PCDHA8: variants seen among roughly 807,000 people sequenced by gnomAD.
The protein encoded by PCDHA8 is protocadherin alpha-8.
Under a neutral mutation model 61.8 loss-of-function variants are expected in PCDHA8, and 53 were observed. That is an observed-to-expected ratio of 0.86 (90% confidence interval 0.69 to 1.08). PCDHA8 has a LOEUF of 1.08. PCDHA8 is among the 50% of genes least tolerant of loss of function. PCDHA8 has a pLI of 0.00. For missense variants in PCDHA8, 1,293 were observed against 1,245.0 expected, an observed-to-expected ratio of 1.04 and a Z score of -0.58; for synonymous variants, 618 against 556.6, an observed-to-expected ratio of 1.11 and a Z score of -1.55.
At chr5:140,846,526 C>T (rs1554141357) in intron 1 of PCDHA8, among the ~76,000 whole-genome samples, 1 of 148,306 alleles carries the variant, frequency 6.7e-6, no homozygotes, top group Non-Finnish European at 1.5e-5. Context: ...AGGTGCATGC[C>T]ACCATGCCCT....
At chr5:140,861,560 C>T in intron 1 of PCDHA8, 2 of 391,164 alleles carry the variant, frequency 5.1e-6, no homozygotes, top group African/African-American at 2.1e-5. Flanking sequence ...TGATCGTGGA[C>T]AAGCTGCTAC....
At position 140,848,413 on chromosome 5, in the gene PCDHA8, G is replaced by A. The variant is rs2150410118; in HGVS notation, c.2394+4698G>A. On this transcript the variant is annotated intron_variant, in intron 1 of 3. Transcript: ENST00000531613. The stretch of plus-strand genomic sequence containing the variant: ...TCTGTGCTGAACGATGGCGAACACA[G>A]CAGAATGGGACTGACGAAATCAGAT... 44 of 1,383,064 alleles carry A rather than the reference G, an allele frequency of 3.2e-5. 5 individuals are homozygous for A. Among genetic ancestry groups the A allele is most frequent in the Non-Finnish European group, 4.2e-5 (42 of 1,005,008 alleles). The allele number at this position is 1,383,064 out of a possible 1,614,324, so 85.7% of individuals were successfully genotyped here.
rs1554229569 is a variant in PCDHA8, at chr5:140,967,454, G to A, written c.2395-11495G>A. ...CTTGCACCACCTGGTTCTCACAGCCGTGGATGGGGGCATCCCAGCCCGCTC... is the reference window on the plus strand; with the variant it reads ...CTTGCACCACCTGGTTCTCACAGCCATGGATGGGGGCATCCCAGCCCGCTC... On this transcript the variant is annotated intron_variant, in intron 1 of 3. Transcript: ENST00000531613. 6.2e-7 allele frequency: 1 copy of A among 1,613,614 alleles called. No individual in the cohort carries two copies. Among genetic ancestry groups the A allele is most frequent in the Admixed American group, 1.7e-5 (1 of 60,010 alleles).
chr5:140,877,713 T>C (rs2057302382), intron 1 of PCDHA8: 1 of 1,613,318 alleles, frequency 6.2e-7, no homozygotes, highest in African/African-American at 1.3e-5. Flanking sequence ...CCGTGGGGAG[T>C]TGGTCTTACT....
intron 1 of PCDHA8, among the ~76,000 whole-genome samples, chr5:140,951,775 A>G (rs1554220072): frequency 1.3e-5 from 2 of 152,164 alleles, no homozygotes; most frequent in African/African-American, 4.8e-5. Context: ...ACGTTCTTAC[A>G]TTGCAAAATA....
At chr5:140,853,620 T>C (rs2042810253) in intron 1 of PCDHA8, 2 of 988,130 alleles carry the variant, frequency 2.0e-6, no homozygotes, top group African/African-American at 1.8e-5. Context: ...TGTAAATAAG[T>C]ATACAAGATC....
intron 1 of PCDHA8, among the ~76,000 whole-genome samples, chr5:140,897,559 G>A (rs1554187454): frequency 6.6e-6 from 1 of 152,026 alleles, no homozygotes; most frequent in African/African-American, 2.4e-5. Context: ...TGGTGTATAT[G>A]TGCCACATTT....
At chr5:140,849,777 C>T (rs2150449616) in intron 1 of PCDHA8, 2 of 1,598,440 alleles carry the variant, frequency 1.3e-6, no homozygotes, top group Non-Finnish European at 1.7e-6. Flanking sequence ...GGTTACCGCG[C>T]GGGACGGGGG....
rs782638942 is a variant in PCDHA8, at chr5:140,876,442, G to T, written c.2394+32727G>T. The T allele has an allele frequency of 1.5e-5, 25 of 1,613,894 alleles. 1 individual carries two copies. The South Asian group carries it at 2.7e-4, about 18-fold the overall frequency. The stretch of plus-strand genomic sequence containing the variant: ...CTATGAAATTCAGGTTAACGCCATT[G>T]ATAAAGGGATTCCTTCCATGGCAGG... On this transcript the variant is annotated intron_variant, in intron 1 of 3. Coordinates refer to ENST00000531613, the MANE Select transcript of PCDHA8 (RefSeq NM_018911.3).
rs1777688396 is a variant in PCDHA8, at chr5:140,842,068, A to T, written c.747A>T (p.Val249=). The T allele has an allele frequency of 1.2e-6, 2 of 1,613,910 alleles. No homozygotes were observed. Among genetic ancestry groups the T allele is most frequent in the African/African-American group, 2.7e-5 (2 of 74,968 alleles). ...APTFEQSEYE[V]RIFENADNGT... Reference sequence around the variant, plus strand: ...CTTTCGAACAGTCTGAATACGAAGTAAGAATATTCGAAAACGCAGACAACG... The same window carrying T: ...CTTTCGAACAGTCTGAATACGAAGTTAGAATATTCGAAAACGCAGACAACG... Residue 249 remains valine, a synonymous_variant, in exon 1 of 4, where the codon GTA becomes GTT. Coordinates refer to ENST00000531613, the MANE Select transcript of PCDHA8 (RefSeq NM_018911.3).
chr5:140,877,335 G>T, intron 1 of PCDHA8: 2 of 1,613,978 alleles, frequency 1.2e-6, no homozygotes, highest in Non-Finnish European at 1.7e-6. Context: ...CGCACATCCC[G>T]TTCCACGTGG....
intron 3 of PCDHA8, among the ~76,000 whole-genome samples, chr5:140,987,524 GT>G (rs1341881093): frequency 6.6e-6 from 1 of 152,144 alleles, no homozygotes; most frequent in Non-Finnish European, 1.5e-5. Flanking sequence ...GTAATTGTAT[GT>G]TCCTGGGACC....
chr5:140,906,963 G>A (rs150934602), intron 1 of PCDHA8, among the ~76,000 whole-genome samples: 2 of 152,098 alleles, frequency 1.3e-5, no homozygotes, highest in South Asian at 2.1e-4. Flanking sequence ...TAATGGAATC[G>A]TGGTTGTGTC....
At position 140,843,324 on chromosome 5, in the gene PCDHA8, C is replaced by A; in HGVS notation, c.2003C>A (p.Ser668Ter). The A allele has an allele frequency of 6.3e-7, 1 of 1,596,010 alleles. No individual in the cohort carries two copies. Among genetic ancestry groups the A allele is most frequent in the Middle Eastern group, 1.7e-4 (1 of 5,994 alleles). ...ALTATATVLV[S>*]LVESGQAPKA... is the part of the protein sequence containing the mutation. ...ACCGCCACGGCCACGGTTCTGGTGT[C>A]GCTGGTGGAGAGCGGCCAGGCTCCA... Residue 668 changes from serine to a stop codon, truncating the protein, a stop_gained, in exon 1 of 4, where the codon TCG becomes TAG. Transcript: ENST00000531613. LOFTEE classifies it high-confidence loss of function.
chr5:140,969,542 C>A, intron 1 of PCDHA8: 1 of 1,279,482 alleles, frequency 7.8e-7, no homozygotes, highest in Non-Finnish European at 1.1e-6. Context: ...TTTTCAGAGG[C>A]ATGAAGCCTT....
At position 140,841,818 on chromosome 5, in the gene PCDHA8, C is replaced by G; in HGVS notation, c.497C>G (p.Ser166Cys). The change falls in exon 1 of 4, where the codon TCC (serine) becomes TGC (cysteine). Residue 166 changes from serine (S) to cysteine (C), a missense_variant. Physicochemically the swap from Ser to Cys is moderately radical, Grantham distance 112. Coordinates refer to ENST00000531613, the MANE Select transcript of PCDHA8 (RefSeq NM_018911.3). Reference sequence around the variant, plus strand: ...TCCGATGCAGATGTTGGAGCTAACTCCGTGTTAACCTACAGGCTTAGCTCT... The same window carrying G: ...TCCGATGCAGATGTTGGAGCTAACTGCGTGTTAACCTACAGGCTTAGCTCT... Reference protein sequence around the residue: ...GASDADVGANSVLTYRLSSHD... With the variant: ...GASDADVGANCVLTYRLSSHD... 1 of 1,613,912 alleles carries G rather than the reference C, an allele frequency of 6.2e-7. No homozygotes were observed. The highest frequency in any genetic ancestry group is 1.3e-5 in the African/African-American group (1 of 74,980).
At chr5:140,851,909 A>G in intron 1 of PCDHA8, 1 of 970,994 alleles carries the variant, frequency 1.0e-6, no homozygotes, top group Non-Finnish European at 1.2e-6. Context: ...CTTTAATGTC[A>G]CTACATGTTA....
At chr5:140,901,060 A>AT (rs542927280) in intron 1 of PCDHA8, among the ~76,000 whole-genome samples, 21 of 151,128 alleles carry the variant, frequency 1.4e-4, no homozygotes, top group African/African-American at 3.2e-4. Flanking sequence ...AGATTATTAG[A>AT]TTTTTTTTTC....
chr5:140,916,475 C>T (rs2077583115), intron 1 of PCDHA8, among the ~76,000 whole-genome samples: 1 of 152,206 alleles, frequency 6.6e-6, no homozygotes, highest in South Asian at 2.1e-4. Flanking sequence ...TTATTTGGTG[C>T]CCAAGGGCTC....
Sources: allele counts gnomAD v4.1 joint callset (sites outside exome capture counted in the v4.1 genomes callset), GRCh38; gene constraint gnomAD v4.1.1; transcripts MANE v1.5; gene names NCBI Gene and HGNC (gene_info 2026-07-23, HGNC 2026-07-21).